The following TBC1D8 variants were observed in gnomAD, a reference collection of about 807,000 sequenced individuals.
TBC1D8 encodes TBC1 domain family member 8.
TBC1D8 carries 65 observed loss-of-function variants against 118.8 expected under a neutral mutation model. The ratio of observed to expected loss-of-function variants is 0.55; its 90% CI spans 0.45 to 0.67. The LOEUF (loss-of-function observed/expected upper bound fraction) is 0.67, where lower values mean the gene tolerates loss of function less well. Among genes scored for constraint, TBC1D8 ranks in the 30% least tolerant of loss-of-function variants. TBC1D8 has a pLI of 0.00. For synonymous variants in TBC1D8, 566 were observed against 595.8 expected, an observed-to-expected ratio of 0.95 and a Z score of 0.73; for missense variants, 1,376 against 1,471.2, an observed-to-expected ratio of 0.94 and a Z score of 1.06.
At chr2:101,016,256 A>G (rs1172707939) in intron 17 of TBC1D8, among the ~76,000 whole-genome samples, 1 of 152,216 alleles carries the variant, frequency 6.6e-6, no homozygotes, top group Non-Finnish European at 1.5e-5. Flanking sequence ...ATCAAAAAGT[A>G]GGCAAAGGAT....
At chr2:101,052,590 C>T (rs1449622335) in intron 4 of TBC1D8, among the ~76,000 whole-genome samples, 6 of 150,982 alleles carry the variant, frequency 4.0e-5, no homozygotes, top group Non-Finnish European at 7.4e-5. Context: ...GATTCTCGTG[C>T]TTCAGCCTCC....
At chr2:101,008,590 G>A (rs961424278) in intron 19 of TBC1D8, among the ~76,000 whole-genome samples, 14 of 152,162 alleles carry the variant, frequency 9.2e-5, no homozygotes, top group African/African-American at 2.6e-4. Context: ...CGAGGCAGGC[G>A]GATCACCTGA....
intron 2 of TBC1D8, among the ~76,000 whole-genome samples, chr2:101,085,474 C>T (rs944926286): frequency 5.9e-5 from 9 of 152,176 alleles, no homozygotes; most frequent in African/African-American, 1.9e-4. Context: ...CACCACATCT[C>T]GTCTAGCGAG....
chr2:101,133,128 C>T (rs1461780248), intron 1 of TBC1D8, among the ~76,000 whole-genome samples: 11 of 148,168 alleles, frequency 7.4e-5, no homozygotes, highest in African/African-American at 2.7e-4. Flanking sequence ...CCACTGCACT[C>T]CAGCCTGGGT....
chr2:101,027,323 G>A lies in TBC1D8; in HGVS notation c.2520+60C>T, dbSNP rs950014988. On this transcript the variant is annotated intron_variant, in intron 15 of 19. Coordinates refer to ENST00000409318, the MANE Select transcript of TBC1D8 (RefSeq NM_001330348.2). ...TGCATGCTGTCCCCTGGGCAGGCTG[G>A]GCACCGCGGCTCAGGCCAGCTCAGG... The A allele has an allele frequency of 1.5e-5, 22 of 1,515,644 alleles. No homozygotes were observed. The Admixed American group carries it at 3.4e-4, about 23-fold the overall frequency. 93.9% of individuals were successfully genotyped at this position (1,515,644 alleles called of 1,614,324 possible). A position where few individuals can be genotyped will look rare whatever the true frequency, so the allele number is the denominator to read the frequency against.
intron 1 of TBC1D8, among the ~76,000 whole-genome samples, chr2:101,122,498 C>T (rs1678176259): frequency 6.7e-6 from 1 of 148,326 alleles, no homozygotes; most frequent in African/African-American, 2.5e-5. Flanking sequence ...CAATTTCCTA[C>T]AATTGACATT....
rs774024791 is a variant in TBC1D8, at chr2:101,090,305, G to T, written c.187C>A (p.Arg63=). The change falls in exon 2 of 20, where the codon CGA becomes AGA. Residue 63 remains arginine, a synonymous_variant. Coordinates refer to ENST00000409318, the MANE Select transcript of TBC1D8 (RefSeq NM_001330348.2). ...LDSNARVAPF[R]ILLQVPGSQV... The stretch of plus-strand genomic sequence containing the variant: ...GAGCCGGGAACTTGAAGCAGAATTC[G>T]AAATGGAGCGACCCGTGCATTGGAA... 3 of 1,613,864 alleles carry T rather than the reference G, an allele frequency of 1.9e-6. No homozygotes were observed. The highest frequency in any genetic ancestry group is 2.5e-6 in the Non-Finnish European group (3 of 1,179,888).
At chr2:101,037,804 C>G (rs1008931850) in intron 7 of TBC1D8, 96 bp from the exon 8 acceptor site, 1 of 1,479,866 alleles carries the variant, frequency 6.8e-7, no homozygotes, top group Non-Finnish European at 9.3e-7. Context: ...TTTGGATGCA[C>G]GGGCATAGCA....
intron 17 of TBC1D8, among the ~76,000 whole-genome samples, chr2:101,017,374 T>TA (rs1405364780): frequency 6.6e-6 from 1 of 152,200 alleles, no homozygotes; most frequent in East Asian, 1.9e-4. Flanking sequence ...TATTAGGTGT[T>TA]ACATGTAATT....
chr2:101,133,058 G>A (rs1558725871), intron 1 of TBC1D8, among the ~76,000 whole-genome samples: 1 of 151,100 alleles, frequency 6.6e-6, no homozygotes, highest in East Asian at 2.0e-4. Flanking sequence ...TACTCGGGAG[G>A]CTGAGGCAGG....
At chr2:101,050,063 G>A (rs1001809979) in intron 5 of TBC1D8, among the ~76,000 whole-genome samples, 58 of 152,062 alleles carry the variant, frequency 3.8e-4, no homozygotes, top group African/African-American at 1.0e-3. Context: ...TCCTGACCTC[G>A]TGATCCACCC....
chr2:101,113,459 C>G (rs1023387285), intron 1 of TBC1D8, among the ~76,000 whole-genome samples: 8 of 152,014 alleles, frequency 5.3e-5, no homozygotes, highest in Admixed American at 5.2e-4. Context: ...GTTTCATGAT[C>G]AGAGACAGCT....
intron 4 of TBC1D8, among the ~76,000 whole-genome samples, chr2:101,052,419 C>T (rs924701430): frequency 6.6e-6 from 1 of 151,792 alleles, no homozygotes; most frequent in Admixed American, 6.6e-5. Flanking sequence ...GAGAGGCATG[C>T]AGAACACCTG....
chr2:101,016,715 A>C (rs1001751709), intron 17 of TBC1D8, among the ~76,000 whole-genome samples: 5 of 152,264 alleles, frequency 3.3e-5, no homozygotes, highest in African/African-American at 1.2e-4. Context: ...AAAATGTGAC[A>C]CATATACACC....
chr2:101,032,318 A>G lies in TBC1D8; in HGVS notation c.1886T>C (p.Val629Ala), dbSNP rs777854114. Residue 629 changes from valine (V) to alanine (A), a missense_variant, in exon 11 of 20, where the codon GTT (valine) becomes GCT (alanine). Coordinates refer to ENST00000409318, the MANE Select transcript of TBC1D8 (RefSeq NM_001330348.2). Reference sequence around the variant, plus strand: ...GGGCAGCATCCGCTCACACACAGCAACCAACAGCCAGAAGGCTTCCTCCTC... The same window carrying G: ...GGGCAGCATCCGCTCACACACAGCAGCCAACAGCCAGAAGGCTTCCTCCTC... ...TKEEEAFWLL[V>A]AVCERMLPDY... 11 of 1,613,756 alleles carry G rather than the reference A, an allele frequency of 6.8e-6. No homozygotes were observed. Among genetic ancestry groups the G allele is most frequent in the Non-Finnish European group, 9.3e-6 (11 of 1,179,812 alleles).
At chr2:101,087,256 T>G (rs1675698886) in intron 2 of TBC1D8, among the ~76,000 whole-genome samples, 1 of 151,896 alleles carries the variant, frequency 6.6e-6, no homozygotes, top group African/African-American at 2.4e-5. Context: ...GGGCAAACAC[T>G]GGCAAATGGG....
At chr2:101,047,964 G>A (rs947791617) in intron 5 of TBC1D8, among the ~76,000 whole-genome samples, 2 of 152,202 alleles carry the variant, frequency 1.3e-5, no homozygotes, top group African/African-American at 4.8e-5. Flanking sequence ...CACCACATCT[G>A]GAAGTGGAGC....
At chr2:101,118,395 G>A (rs938398550) in intron 1 of TBC1D8, among the ~76,000 whole-genome samples, 3 of 152,172 alleles carry the variant, frequency 2.0e-5, no homozygotes, top group Non-Finnish European at 4.4e-5. Flanking sequence ...ATCTAGAAAA[G>A]CCTAAAGACT....
chr2:101,054,662 C>CTTT (rs1682290047), intron 3 of TBC1D8, among the ~76,000 whole-genome samples: 3 of 37,840 alleles, frequency 7.9e-5, no homozygotes, highest in Admixed American at 8.8e-4. Context: ...CAATCATTTT[C>CTTT]TTTTCTTTTC....
Sources: allele counts gnomAD v4.1 joint callset (sites outside exome capture counted in the v4.1 genomes callset), GRCh38; gene constraint gnomAD v4.1.1; transcripts MANE v1.5; gene names NCBI Gene and HGNC (gene_info 2026-07-23, HGNC 2026-07-21).